Variants in PCDHGB4 observed in about 807,000 individuals in gnomAD.
The protein encoded by PCDHGB4 is protocadherin gamma-B4.
In PCDHGB4, 38 loss-of-function variants were observed where a neutral mutation model predicts 60.5. The observed-to-expected ratio is 0.63, with a 90% confidence interval of 0.48 to 0.82. The LOEUF (loss-of-function observed/expected upper bound fraction) is 0.82, where lower values mean the gene tolerates loss of function less well. PCDHGB4 is among the 40% of genes least tolerant of loss of function. The pLI, the probability that PCDHGB4 is intolerant of heterozygous loss-of-function variation, is 0.00. For missense variants in PCDHGB4, 1,109 were observed against 1,209.6 expected (o/e 0.92, Z 1.23); for synonymous variants, 456 against 509.7 (o/e 0.89, Z 1.42).
At chr5:141,398,811 C>G in intron 1 of PCDHGB4, 1 of 1,613,980 alleles carries the variant, frequency 6.2e-7, no homozygotes. Context: ...CCACTGAGCT[C>G]CGGATCCAGG....
intron 1 of PCDHGB4, among the ~76,000 whole-genome samples, chr5:141,401,300 C>A (rs1169689828): frequency 1.3e-5 from 2 of 152,200 alleles, no homozygotes; most frequent in African/African-American, 4.8e-5. Context: ...CGAGATCACT[C>A]CATTGCATTC....
rs1039259671 is a variant in PCDHGB4, at chr5:141,389,412, G to C, written c.1528G>C (p.Gly510Arg). The C allele has an allele frequency of 1.3e-5, 21 of 1,613,470 alleles. No individual in the cohort carries two copies. The highest frequency in any genetic ancestry group is 1.3e-5 in the Non-Finnish European group (15 of 1,179,910). Residue 510 changes from glycine (G) to arginine (R), a missense_variant, in exon 1 of 4, where the codon GGG becomes CGG. By Grantham distance (125) the Gly-to-Arg change is moderately radical. Around this residue, in one of 2 missense-constraint regions of PCDHGB4, gnomAD observed 1,068 missense variants for 1,089.9 expected, o/e 0.98. Transcript: ENST00000519479. ...CTACGTGTCCATAAGCGCGGAGAGCGGGGTGGTGTTCGCGCAGCGCGCCTT... is the reference window on the plus strand; with the variant it reads ...CTACGTGTCCATAAGCGCGGAGAGCCGGGTGGTGTTCGCGCAGCGCGCCTT... ...SSYVSISAES[G>R]VVFAQRAFDH...
intron 1 of PCDHGB4, chr5:141,412,667 AC>A (rs1385712050): frequency 6.6e-6 from 1 of 152,284 alleles, no homozygotes; most frequent in Non-Finnish European, 1.5e-5. Flanking sequence ...CACTAATATG[AC>A]CTAAAATAAG....
chr5:141,492,846 A>G (rs1404624093), intron 1 of PCDHGB4, among the ~76,000 whole-genome samples: 1 of 152,184 alleles, frequency 6.6e-6, no homozygotes, highest in African/African-American at 2.4e-5. Flanking sequence ...AGGAAGTGAA[A>G]GCCTCGAGCG....
chr5:141,485,625 G>C lies in PCDHGB4; in HGVS notation c.2398-9182G>C. On this transcript the variant is annotated intron_variant, in intron 1 of 3. Transcript: ENST00000519479. This position sits in a 1 kb window ranked among gnomAD's most constrained non-coding sequence, Gnocchi z 5.7. ...GGGGAGGCAGCTCCTCCAGGACAGC[G>C]TTTCCCGTTGGAAAAGGCTCAGGAT... The C allele has an allele frequency of 6.2e-7, 1 of 1,611,968 alleles. No individual in the cohort carries two copies. Among genetic ancestry groups the C allele is most frequent in the Non-Finnish European group, 8.5e-7 (1 of 1,178,504 alleles).
In PCDHGB4 at chr5:141,419,702, G is replaced by A. The variant is rs116279995; in HGVS notation, c.2397+29421G>A. 1.9e-3 allele frequency: 3,028 copies of A among 1,612,950 alleles called. 48 individuals are homozygous for A. In the African/African-American group the frequency reaches 0.033, roughly 18 times the overall value. The stretch of plus-strand genomic sequence containing the variant: ...CCACGTGGTGCAGGCCAGTGAGCCC[G>A]GGCTCTTCAGCCTGGGGCTGCGAAC... On this transcript the variant is annotated intron_variant, in intron 1 of 3. Transcript: ENST00000519479.
At chr5:141,447,023 G>GTT (rs5871773) in intron 1 of PCDHGB4, among the ~76,000 whole-genome samples, 2,010 of 151,524 alleles carry the variant, frequency 0.013, 40 homozygotes, top group African/African-American at 0.047. Context: ...GTTTTGTTTT[G>GTT]TTTTTTTTCT....
intron 1 of PCDHGB4, chr5:141,418,804 T>C (rs368948947): frequency 3.3e-5 from 54 of 1,613,718 alleles, no homozygotes; most frequent in African/African-American, 5.3e-5. Flanking sequence ...TAGAAAGATA[T>C]ACGATAAACA....
intron 1 of PCDHGB4, among the ~76,000 whole-genome samples, chr5:141,444,497 C>G (rs899746599): frequency 3.3e-5 from 5 of 152,026 alleles, no homozygotes; most frequent in African/African-American, 1.2e-4. Context: ...TTGTGTAATA[C>G]TTTGCTCTAG....
chr5:141,451,182 C>T (rs2154563496), intron 1 of PCDHGB4, among the ~76,000 whole-genome samples: 1 of 152,226 alleles, frequency 6.6e-6, no homozygotes, highest in Non-Finnish European at 1.5e-5. Flanking sequence ...TTAGCCATTG[C>T]TGTGTAACAA....
At chr5:141,390,632 A>G in intron 1 of PCDHGB4, 1 of 240,428 alleles carries the variant, frequency 4.2e-6, no homozygotes, top group Admixed American at 5.1e-5. Context: ...ATATATGATG[A>G]ATACTTTTTT....
At chr5:141,456,142 C>A (rs1258425044) in intron 1 of PCDHGB4, among the ~76,000 whole-genome samples, 1 of 152,052 alleles carries the variant, frequency 6.6e-6, no homozygotes, top group Non-Finnish European at 1.5e-5. Flanking sequence ...CCTGATCCGC[C>A]CGCCTCGGCC....
chr5:141,432,250 A>T lies in PCDHGB4; in HGVS notation c.2397+41969A>T. ...ATTCCCTGGCTGAGAACACCATCCA[A>T]GGGGCAAGCCTATCGTCCTACGTGT... is the stretch of plus-strand genomic sequence containing the variant. On this transcript the variant is annotated intron_variant, in intron 1 of 3. Transcript: ENST00000519479. This position sits in a 1 kb window ranked among gnomAD's most constrained non-coding sequence, Gnocchi z 6.0. 1 of 1,614,234 alleles carries T rather than the reference A, an allele frequency of 6.2e-7. No homozygotes were observed. Among genetic ancestry groups the T allele is most frequent in the Non-Finnish European group, 8.5e-7 (1 of 1,180,054 alleles).
rs779542409 is a variant in PCDHGB4, at chr5:141,392,788, T to G, written c.2397+2507T>G. The G allele has an allele frequency of 3.9e-6, 6 of 1,553,762 alleles. No individual in the cohort carries two copies. The East Asian group carries it at 1.1e-4, about 30-fold the overall frequency. On this transcript the variant is annotated intron_variant, in intron 1 of 3. Coordinates refer to ENST00000519479, the MANE Select transcript of PCDHGB4 (RefSeq NM_003736.4). ...ACCCATTTATGCACAGTGAAGATTC[T>G]GAGAGGATTCTGCAGCAAAACAACA...
chr5:141,475,984 G>C (rs1282216343), intron 1 of PCDHGB4: 1 of 1,069,308 alleles, frequency 9.4e-7, no homozygotes, highest in Non-Finnish European at 1.3e-6. Flanking sequence ...AACAGCCGGC[G>C]AGCAAATCAA....
Position 141,399,408 on chromosome 5 carries a change from C to G in PCDHGB4, c.2397+9127C>G, listed in dbSNP as rs373563586. On this transcript the variant is annotated intron_variant, in intron 1 of 3. Coordinates refer to ENST00000519479, the MANE Select transcript of PCDHGB4 (RefSeq NM_003736.4). ...CAGCCACAGACAGGGGCAAGCCGCC[C>G]CTCTCCTCCAGCATAAGCGTCATCC... 20 of 1,613,888 alleles carry G rather than the reference C, an allele frequency of 1.2e-5. No individual in the cohort carries two copies. In the East Asian group the frequency reaches 3.8e-4, roughly 31 times the overall value.
chr5:141,510,804 T>C (rs965530116), intron 3 of PCDHGB4, 143 bp from the exon 4 acceptor site: 2 of 1,504,768 alleles, frequency 1.3e-6, no homozygotes, highest in Admixed American at 2.0e-5. Flanking sequence ...AGAGACTACC[T>C]TGGTGACCCC....
intron 3 of PCDHGB4, 44 bp downstream of exon 3, chr5:141,505,525 G>C: frequency 1.2e-6 from 2 of 1,612,490 alleles, no homozygotes; most frequent in Non-Finnish European, 1.7e-6. Flanking sequence ...GAGACCTGGG[G>C]TTCTGGGGTG....
In PCDHGB4 at chr5:141,511,224, G is replaced by T. The variant is rs752401867; in HGVS notation, c.*51G>T. On this transcript the variant is annotated 3_prime_UTR_variant, in exon 4 of 4. Coordinates refer to ENST00000519479, the MANE Select transcript of PCDHGB4 (RefSeq NM_003736.4). ...GGGCGGCCTCTCCCCAACCAGCCCA[G>T]CTTCTCCTTACCTGCACCCAGGCCT... is the stretch of plus-strand genomic sequence containing the variant. 44 of 1,603,158 alleles carry T rather than the reference G, an allele frequency of 2.7e-5. No individual in the cohort carries two copies. Among genetic ancestry groups the T allele is most frequent in the Non-Finnish European group, 3.6e-5 (42 of 1,174,924 alleles).
Sources: allele counts gnomAD v4.1 joint callset (sites outside exome capture counted in the v4.1 genomes callset), GRCh38; gene constraint gnomAD v4.1.1; regional missense constraint gnomAD v4.1.1; non-coding constraint Gnocchi (gnomAD v3.1); transcripts MANE v1.5; gene names NCBI Gene and HGNC (gene_info 2026-07-23, HGNC 2026-07-21).